The following LMX1A variants were observed in gnomAD, a reference collection of about 807,000 sequenced individuals.
LMX1A encodes the protein LIM homeobox transcription factor 1 alpha.
In LMX1A, 15 loss-of-function variants were observed where a neutral mutation model predicts 49.1. That is an observed-to-expected ratio of 0.31 (90% CI 0.20 to 0.47). LMX1A has a LOEUF of 0.47. Among genes scored for constraint, LMX1A ranks in the 20% least tolerant of loss-of-function variants. LMX1A has a pLI of 1.00. For missense variants in LMX1A, 372 were observed against 475.8 expected, an observed-to-expected ratio of 0.78 and a Z score of 2.03; for synonymous variants, 167 against 185.7, an observed-to-expected ratio of 0.90 and a Z score of 0.82.
chr1:165,251,236 C>A (rs1158263137), intron 3 of LMX1A, among the ~76,000 whole-genome samples: 1 of 152,092 alleles, frequency 6.6e-6, no homozygotes, highest in African/African-American at 2.4e-5. Flanking sequence ...GTGCATGTCA[C>A]CATGCCCAGC....
intron 4 of LMX1A, among the ~76,000 whole-genome samples, chr1:165,225,359 T>C (rs1571159661): frequency 6.6e-6 from 1 of 152,248 alleles, no homozygotes; most frequent in African/African-American, 2.4e-5. Context: ...TATAATTGTA[T>C]GCAGTGAACT....
intron 3 of LMX1A, among the ~76,000 whole-genome samples, chr1:165,253,633 A>C (rs1289315714): frequency 6.6e-6 from 1 of 152,236 alleles, no homozygotes; most frequent in Non-Finnish European, 1.5e-5. Context: ...TACTTTCAAC[A>C]GCTGCCTGGA....
At chr1:165,249,255 CT>C (rs1652964740) in intron 4 of LMX1A, among the ~76,000 whole-genome samples, 152 bp downstream of exon 4, 1 of 150,820 alleles carries the variant, frequency 6.6e-6, no homozygotes, top group African/African-American at 2.4e-5. Flanking sequence ...TTACTCTGAG[CT>C]TACAAAGAAA....
At chr1:165,300,271 C>G (rs528551777) in intron 3 of LMX1A, among the ~76,000 whole-genome samples, 144 of 152,266 alleles carry the variant, frequency 9.5e-4, no homozygotes, top group African/African-American at 3.4e-3. Context: ...ACTTTAGGCC[C>G]GATGTGTGAC....
At chr1:165,255,430 A>C (rs1271654095) in intron 3 of LMX1A, among the ~76,000 whole-genome samples, 1 of 152,196 alleles carries the variant, frequency 6.6e-6, no homozygotes, top group Non-Finnish European at 1.5e-5. Context: ...TTGGTGAGAG[A>C]GCCTGGGTTC....
At chr1:165,236,203 C>T (rs1396782526) in intron 4 of LMX1A, among the ~76,000 whole-genome samples, 2 of 152,184 alleles carry the variant, frequency 1.3e-5, no homozygotes, top group East Asian at 1.9e-4. Context: ...GTGATTCCCA[C>T]CCGCCGCCCT....
At chr1:165,224,288 C>A (rs1385328560) in intron 4 of LMX1A, among the ~76,000 whole-genome samples, 1 of 152,196 alleles carries the variant, frequency 6.6e-6, no homozygotes, top group Non-Finnish European at 1.5e-5. Context: ...GCCTCTGGAA[C>A]CATGAGCCAA....
chr1:165,355,136 C>G lies in LMX1A; in HGVS notation c.76+348G>C, dbSNP rs75639188. ...CTCGGATGCTATTGCCTCTAGGCCG[C>G]GAGAAGAGGGCGGCATTTATGAGAC... On this transcript the variant is annotated intron_variant, in intron 2 of 8. Coordinates refer to ENST00000342310, the MANE Select transcript of LMX1A (RefSeq NM_177398.4). This position sits in a 1 kb window ranked among gnomAD's most constrained non-coding sequence, Gnocchi z 4.7. 0.034 allele frequency among the ~76,000 whole-genome samples: 5,232 copies of G among 152,124 alleles called. 138 individuals carry two copies. The highest frequency in any genetic ancestry group is 0.054 in the Non-Finnish European group (3,641 of 68,016).
intron 4 of LMX1A, among the ~76,000 whole-genome samples, chr1:165,237,937 C>A (rs959618724): frequency 1.3e-5 from 2 of 152,174 alleles, no homozygotes; most frequent in Admixed American, 1.3e-4. Flanking sequence ...ACCTCCTCCC[C>A]GATCCTTATT....
At chr1:165,341,685 T>C (rs1656080870) in intron 3 of LMX1A, among the ~76,000 whole-genome samples, 1 of 152,080 alleles carries the variant, frequency 6.6e-6, no homozygotes, top group Non-Finnish European at 1.5e-5. Flanking sequence ...TTAGATAACC[T>C]GGTTTTCTAT....
intron 4 of LMX1A, among the ~76,000 whole-genome samples, chr1:165,228,183 A>G (rs148417082): frequency 3.9e-5 from 6 of 152,252 alleles, no homozygotes; most frequent in East Asian, 1.9e-4. Context: ...TGGAGAAGTC[A>G]GTAGTGATGG....
chr1:165,212,020 G>T (rs1294260125), intron 5 of LMX1A, among the ~76,000 whole-genome samples: 4 of 152,204 alleles, frequency 2.6e-5, no homozygotes, highest in African/African-American at 9.6e-5. Flanking sequence ...AAGTGAGGAA[G>T]ACTGTAATTT....
intron 3 of LMX1A, among the ~76,000 whole-genome samples, chr1:165,322,701 G>T (rs576982846): frequency 6.6e-6 from 1 of 152,124 alleles, no homozygotes; most frequent in Non-Finnish European, 1.5e-5. Context: ...AATGGGCACA[G>T]AGTTTCTTTC....
At chr1:165,279,586 T>A (rs12752351) in intron 3 of LMX1A, among the ~76,000 whole-genome samples, 51,719 of 152,076 alleles carry the variant, frequency 0.34, 8,958 homozygotes, top group Admixed American at 0.41. Flanking sequence ...CTTATGCCTC[T>A]GTTTCCCCTT....
intron 3 of LMX1A, among the ~76,000 whole-genome samples, chr1:165,295,143 T>C: frequency 6.6e-6 from 1 of 152,242 alleles, no homozygotes; most frequent in African/African-American, 2.4e-5. Flanking sequence ...TAAACTGATG[T>C]TGGAAATGTG....
intron 3 of LMX1A, among the ~76,000 whole-genome samples, chr1:165,313,490 T>TG (rs1470486805): frequency 2.9e-4 from 43 of 149,876 alleles, no homozygotes; most frequent in Middle Eastern, 3.4e-3. Context: ...TTTTTTTTTT[T>TG]TTGTTGTTGT....
chr1:165,354,866 G>C (rs1015320511), intron 2 of LMX1A, among the ~76,000 whole-genome samples: 1 of 152,138 alleles, frequency 6.6e-6, no homozygotes, highest in Non-Finnish European at 1.5e-5. Context: ...ACTCTTCCGG[G>C]GTCCTTGACT....
rs183856336 is a variant in LMX1A, at chr1:165,221,829, G to A, written c.497-8016C>T. Among the ~76,000 whole-genome samples, 38 of 152,148 alleles carry A rather than the reference G, an allele frequency of 2.5e-4. 1 individual carries two copies. Among genetic ancestry groups the A allele is most frequent in the African/African-American group, 9.1e-4 (38 of 41,538 alleles). On this transcript the variant is annotated intron_variant, in intron 4 of 8. Transcript: ENST00000342310. ...ATTGGGACTGATTGGTAGAATTACT[G>A]TGGATTTGCATCAGTTTCAGGCCTT...
intron 3 of LMX1A, among the ~76,000 whole-genome samples, chr1:165,340,519 G>C (rs1656042091): frequency 1.3e-5 from 2 of 152,198 alleles, no homozygotes; most frequent in African/African-American, 4.8e-5. Flanking sequence ...TCTCATTACA[G>C]AATCTCCCAA....
Sources: gnomAD v4.1 joint callset for allele counts (sites outside exome capture counted in the v4.1 genomes callset) on GRCh38, gnomAD v4.1.1 for gene constraint, Gnocchi (gnomAD v3.1) non-coding constraint, MANE v1.5 for transcripts, NCBI Gene and HGNC (gene_info 2026-07-23, HGNC 2026-07-21) for gene names.